Variants in RAI2 observed in about 807,000 individuals in gnomAD.
RAI2 encodes retinoic acid-induced protein 2.
Under a neutral mutation model 15.3 loss-of-function variants are expected in RAI2, and 5 were observed. The observed-to-expected ratio is 0.33, with a 90% CI of 0.17 to 0.69. The LOEUF (loss-of-function observed/expected upper bound fraction) is 0.69, where lower values mean the gene tolerates loss of function less well. Ranked by LOEUF, RAI2 falls within the 30% of genes least tolerant of loss-of-function variation. RAI2 has a pLI of 0.69. For missense variants in RAI2, 424 were observed against 424.7 expected (o/e 1.00, Z 0.01); for synonymous variants, 191 against 184.0 (o/e 1.04, Z -0.31).
chrX:17,820,021 C>T (rs951832692), intron 1 of RAI2, among the ~76,000 whole-genome samples: 15 of 112,206 alleles, frequency 1.3e-4, no homozygotes, highest in Non-Finnish European at 1.9e-5. Flanking sequence ...GAGAAAAACC[C>T]TCAGTGGTTC....
At chrX:17,815,959 C>T (rs1179934749) in intron 1 of RAI2, among the ~76,000 whole-genome samples, 1 of 109,742 alleles carries the variant, frequency 9.1e-6, no homozygotes, top group Non-Finnish European at 1.9e-5. Flanking sequence ...AAAGATAAAA[C>T]CGTTTAATTT....
In RAI2 at chrX:17,800,291, T is replaced by C; in HGVS notation, c.*127A>G. 1 of 953,741 alleles carries C rather than the reference T, an allele frequency of 1.0e-6. No individual in the cohort carries two copies. Among genetic ancestry groups the C allele is most frequent in the Non-Finnish European group, 1.4e-6 (1 of 710,605 alleles). The allele number at this position is 953,741 out of a possible 1,213,427, so 78.6% of individuals were successfully genotyped here. A position where few individuals can be genotyped will look rare whatever the true frequency, so the allele number is the denominator to read the frequency against. ...TAGCATACAGGGCCTCTAGAGCCAATTCACCTTTCCATTTCCCAACTACTC... is the reference window on the plus strand; with the variant it reads ...TAGCATACAGGGCCTCTAGAGCCAACTCACCTTTCCATTTCCCAACTACTC... On this transcript the variant is annotated 3_prime_UTR_variant, in exon 2 of 2. Coordinates refer to ENST00000451717, the MANE Select transcript of RAI2 (RefSeq NM_021785.6).
At chrX:17,836,760 A>G (rs1247651111) in intron 1 of RAI2, among the ~76,000 whole-genome samples, 2 of 112,169 alleles carry the variant, frequency 1.8e-5, no homozygotes, top group Non-Finnish European at 1.9e-5. Context: ...GCCAGAAAGC[A>G]TTTTTCCTTG....
intron 1 of RAI2, among the ~76,000 whole-genome samples, chrX:17,828,645 G>A (rs962727042): frequency 1.8e-5 from 2 of 111,920 alleles, no homozygotes; most frequent in East Asian, 2.8e-4. Context: ...ACCTTGATGA[G>A]CCCAAGCTGG....
intron 1 of RAI2, among the ~76,000 whole-genome samples, chrX:17,810,611 C>T (rs2067037505): frequency 8.9e-6 from 1 of 112,110 alleles, no homozygotes; most frequent in African/African-American, 3.2e-5. Context: ...CAAACCTAGC[C>T]TCCCAGGAGC....
intron 1 of RAI2, among the ~76,000 whole-genome samples, chrX:17,859,070 G>A (rs1041095230): frequency 1.8e-5 from 2 of 111,410 alleles, no homozygotes; most frequent in Admixed American, 9.5e-5. Context: ...CTTGTAAGAG[G>A]CAGAGAAACT....
At chrX:17,838,316 T>C (rs750767040) in intron 1 of RAI2, among the ~76,000 whole-genome samples, 1 of 112,256 alleles carries the variant, frequency 8.9e-6, no homozygotes, top group East Asian at 2.8e-4. Flanking sequence ...TCTGTGACTT[T>C]ACTGTATGTG....
intron 1 of RAI2, among the ~76,000 whole-genome samples, chrX:17,820,699 C>G (rs190187086): frequency 6.3e-5 from 7 of 111,251 alleles, no homozygotes; most frequent in Non-Finnish European, 9.4e-5. Flanking sequence ...GACTCGGCCT[C>G]TCTGAGCTGC....
At chrX:17,847,233 C>T (rs1185177834) in intron 1 of RAI2, among the ~76,000 whole-genome samples, 1 of 112,377 alleles carries the variant, frequency 8.9e-6, no homozygotes, top group Non-Finnish European at 1.9e-5. Context: ...CCACTAGCCT[C>T]CCCATCCGCT....
rs747812827 is a variant in RAI2, at chrX:17,833,101, T to C, written c.-25+27997A>G. On this transcript the variant is annotated intron_variant, in intron 1 of 1. Coordinates refer to ENST00000451717, the MANE Select transcript of RAI2 (RefSeq NM_021785.6). The stretch of plus-strand genomic sequence containing the variant: ...ATACATAAACAGTCTTATATTCATA[T>C]AATGGAATATTACAGAGCAATAACA... 2.7e-5 allele frequency among the ~76,000 whole-genome samples: 3 copies of C among 112,298 alleles called. 1 individual carries two copies. The highest frequency in any genetic ancestry group is 5.6e-5 in the Non-Finnish European group (3 of 53,287).
At chrX:17,818,862 C>T (rs978387442) in intron 1 of RAI2, among the ~76,000 whole-genome samples, 1 of 112,915 alleles carries the variant, frequency 8.9e-6, no homozygotes, top group African/African-American at 3.2e-5. Context: ...GAGGACAAGC[C>T]GGCTGGGACT....
In RAI2 at chrX:17,826,083, C is replaced by G. The variant is rs780198786; in HGVS notation, c.-24-24049G>C. Among the ~76,000 whole-genome samples the G allele has an allele frequency of 4.4e-5, 5 of 112,645 alleles. No homozygotes were observed. The East Asian group carries it at 1.4e-3, about 32-fold the overall frequency. ...ATCTCATTGTACTTTAAAATAAAAG[C>G]CAAGCCCTACAAAGCCCTATCTGAT... On this transcript the variant is annotated intron_variant, in intron 1 of 1. Transcript: ENST00000451717.
At chrX:17,848,758 T>C (rs2067493458) in intron 1 of RAI2, among the ~76,000 whole-genome samples, 1 of 112,015 alleles carries the variant, frequency 8.9e-6, no homozygotes, top group South Asian at 3.7e-4. Flanking sequence ...TCTGTCTCAC[T>C]CTTTCCTAGT....
intron 1 of RAI2, among the ~76,000 whole-genome samples, chrX:17,849,226 C>T (rs765255032): frequency 3.6e-5 from 4 of 112,484 alleles, no homozygotes; most frequent in East Asian, 2.8e-4. Context: ...AGCAGACAGA[C>T]GGAATGGTGC....
intron 1 of RAI2, among the ~76,000 whole-genome samples, 196 bp downstream of exon 1, chrX:17,860,902 C>G (rs2067680857): frequency 9.5e-6 from 1 of 104,952 alleles, no homozygotes; most frequent in Admixed American, 9.7e-5. Context: ...CCTCGGCCCG[C>G]GTCCCCGCCC....
chrX:17,832,339 C>T lies in RAI2; in HGVS notation c.-25+28759G>A, dbSNP rs73447835. 6.9e-3 allele frequency among the ~76,000 whole-genome samples: 766 copies of T among 111,374 alleles called. 6 individuals are homozygous for T. Among genetic ancestry groups the T allele is most frequent in the African/African-American group, 0.023 (694 of 30,570 alleles). Reference sequence around the variant, plus strand: ...TGATCTCTTTTCGTTTCTGCACCACCAGATCCAGGTTGCAGACCCACCCTC... The same window carrying T: ...TGATCTCTTTTCGTTTCTGCACCACTAGATCCAGGTTGCAGACCCACCCTC... On this transcript the variant is annotated intron_variant, in intron 1 of 1. Transcript: ENST00000451717.
chrX:17,844,942 A>T (rs2067439137), intron 1 of RAI2, among the ~76,000 whole-genome samples: 1 of 112,457 alleles, frequency 8.9e-6, no homozygotes, highest in South Asian at 3.7e-4. Flanking sequence ...TTTGTGTTAG[A>T]TAATTTTTAA....
At chrX:17,829,139 G>A (rs1025682962) in intron 1 of RAI2, among the ~76,000 whole-genome samples, 1 of 110,287 alleles carries the variant, frequency 9.1e-6, no homozygotes, top group Admixed American at 9.7e-5. Flanking sequence ...GAGGAGCACT[G>A]GATGTGACTT....
intron 1 of RAI2, among the ~76,000 whole-genome samples, chrX:17,811,273 GAGAGTC>G (rs1271661604): frequency 1.8e-5 from 2 of 112,240 alleles, no homozygotes; most frequent in Admixed American, 9.4e-5. Flanking sequence ...AGGGGACTGT[GAGAGTC>G]AGCAAGTGCC....
Sources: allele counts gnomAD v4.1 joint callset (sites outside exome capture counted in the v4.1 genomes callset), GRCh38; gene constraint gnomAD v4.1.1; transcripts MANE v1.5; gene names NCBI Gene and HGNC (gene_info 2026-07-23, HGNC 2026-07-21).